The following PPP1R12A variants were observed in gnomAD, a reference collection of about 807,000 sequenced individuals.
PPP1R12A encodes protein phosphatase 1 regulatory subunit 12A.
In PPP1R12A, 19 loss-of-function variants were observed where a neutral mutation model predicts 139.6. The observed-to-expected ratio is 0.14, with a 90% CI of 0.09 to 0.20. PPP1R12A has a LOEUF of 0.20. Ranked by LOEUF, PPP1R12A falls within the 10% of genes least tolerant of loss-of-function variation. The pLI is 1.00. For synonymous variants in PPP1R12A, 427 were observed against 420.6 expected, an observed-to-expected ratio of 1.02 and a Z score of -0.19; for missense variants, 925 against 1,211.5, an observed-to-expected ratio of 0.76 and a Z score of 3.51.
chr12:79,894,684 AATCT>A (rs1331634331), intron 1 of PPP1R12A, among the ~76,000 whole-genome samples: 9 of 152,162 alleles, frequency 5.9e-5, no homozygotes. Flanking sequence ...ATCTTCCTAA[AATCT>A]ATCACGCACT....
At chr12:79,784,920 T>A (rs538717965) in intron 22 of PPP1R12A, among the ~76,000 whole-genome samples, 17 of 152,288 alleles carry the variant, frequency 1.1e-4, no homozygotes, top group Admixed American at 9.8e-4. Flanking sequence ...ATTACAGGCG[T>A]GAGCCACCGC....
intron 1 of PPP1R12A, among the ~76,000 whole-genome samples, chr12:79,933,473 T>G (rs1888404395): frequency 6.6e-6 from 1 of 152,208 alleles, no homozygotes; most frequent in Non-Finnish European, 1.5e-5. Flanking sequence ...TACTACAACA[T>G]TATTCAAAAT....
intron 20 of PPP1R12A, among the ~76,000 whole-genome samples, chr12:79,789,324 A>C (rs1362832487): frequency 6.6e-6 from 1 of 152,196 alleles, no homozygotes; most frequent in Non-Finnish European, 1.5e-5. Flanking sequence ...TATAATGATT[A>C]ATATTTTAAA....
At chr12:79,875,158 T>C (rs1281964376) in intron 1 of PPP1R12A, among the ~76,000 whole-genome samples, 2 of 152,234 alleles carry the variant, frequency 1.3e-5, no homozygotes, top group Admixed American at 1.3e-4. Context: ...TATGTGAATA[T>C]AAGTACTTTA....
intron 9 of PPP1R12A, among the ~76,000 whole-genome samples, chr12:79,812,391 C>T (rs4842320): frequency 0.64 from 85,589 of 134,416 alleles, 33,586 homozygotes; most frequent in Non-Finnish European, 0.88. Flanking sequence ...TCTGTGTGTG[C>T]GTGTGTGTGT....
intron 9 of PPP1R12A, among the ~76,000 whole-genome samples, chr12:79,816,123 C>T (rs1875351745): frequency 6.6e-6 from 1 of 152,026 alleles, no homozygotes; most frequent in Non-Finnish European, 1.5e-5. Flanking sequence ...TAAACTCATG[C>T]ACATAATGTC....
chr12:79,853,960 G>C lies in PPP1R12A; in HGVS notation c.369-8540C>G, dbSNP rs145288567. Among the ~76,000 whole-genome samples, 958 of 152,258 alleles carry C rather than the reference G, an allele frequency of 6.3e-3. 6 individuals are homozygous for C. Among genetic ancestry groups the C allele is most frequent in the African/African-American group, 0.022 (922 of 41,546 alleles). On this transcript the variant is annotated intron_variant, in intron 2 of 24. Coordinates refer to ENST00000450142, the MANE Select transcript of PPP1R12A (RefSeq NM_002480.3). Reference sequence around the variant, plus strand: ...TGGGTTGTCATTATCATCCACATGTGACACCAGTCACAGCTATTCATATTG... The same window carrying C: ...TGGGTTGTCATTATCATCCACATGTCACACCAGTCACAGCTATTCATATTG...
At chr12:79,787,962 G>C (rs1420903346) in intron 21 of PPP1R12A, 1 of 152,210 alleles carries the variant, frequency 6.6e-6, no homozygotes, top group Non-Finnish European at 1.5e-5. Flanking sequence ...ACAAGAGCAA[G>C]ATAGTATCTT....
intron 1 of PPP1R12A, among the ~76,000 whole-genome samples, chr12:79,916,736 A>T (rs966690363): frequency 2.6e-5 from 4 of 152,222 alleles, no homozygotes; most frequent in African/African-American, 7.2e-5. Flanking sequence ...TTCAGAGAAA[A>T]GGCAAGTATA....
chr12:79,800,475 T>C lies in PPP1R12A; in HGVS notation c.2001-1891A>G, dbSNP rs373711638. On this transcript the variant is annotated intron_variant, in intron 14 of 24. Coordinates refer to ENST00000450142, the MANE Select transcript of PPP1R12A (RefSeq NM_002480.3). The stretch of plus-strand genomic sequence containing the variant: ...AGTACATAATATATGTAACATACAA[T>C]ATATGTGCTAATCAACTGCTTATGT... 3.3e-5 allele frequency among the ~76,000 whole-genome samples: 5 copies of C among 152,128 alleles called. No individual in the cohort carries two copies. In the East Asian group the frequency reaches 5.8e-4, roughly 18 times the overall value.
In PPP1R12A at chr12:79,910,237, T is replaced by C. The variant is rs576600111; in HGVS notation, c.237+24458A>G. On this transcript the variant is annotated intron_variant, in intron 1 of 24. Transcript: ENST00000450142. ...GCTCATGCCTGTAATCCCAGCACTT[T>C]AGGAGGATGAGGTGGGAGGATCACC... Among the ~76,000 whole-genome samples the C allele has an allele frequency of 9.2e-5, 14 of 152,106 alleles. No individual in the cohort carries two copies. In the South Asian group the frequency reaches 2.5e-3, roughly 27 times the overall value.
intron 1 of PPP1R12A, among the ~76,000 whole-genome samples, chr12:79,910,971 T>C (rs892001977): frequency 3.3e-5 from 5 of 152,128 alleles, no homozygotes; most frequent in African/African-American, 1.2e-4. Context: ...CTTCAGTAAA[T>C]AGAACACTTA....
At chr12:79,854,118 A>G (rs769676301) in intron 2 of PPP1R12A, among the ~76,000 whole-genome samples, 7 of 152,234 alleles carry the variant, frequency 4.6e-5, no homozygotes, top group Non-Finnish European at 8.8e-5. Context: ...AAAGTGCCAA[A>G]ATCAAAGCTT....
At chr12:79,783,642 A>G (rs560207758) in intron 22 of PPP1R12A, among the ~76,000 whole-genome samples, 3 of 152,332 alleles carry the variant, frequency 2.0e-5, no homozygotes, top group South Asian at 4.1e-4. Context: ...AAAATTTTAA[A>G]TAACATTCAA....
rs76845638 is a variant in PPP1R12A, at chr12:79,822,493, G to A, written c.793-303C>T. 5.2e-3 allele frequency among the ~76,000 whole-genome samples: 791 copies of A among 152,206 alleles called. 5 individuals carry two copies. The highest frequency in any genetic ancestry group is 0.018 in the African/African-American group (751 of 41,522). On this transcript the variant is annotated intron_variant, in intron 5 of 24. Coordinates refer to ENST00000450142, the MANE Select transcript of PPP1R12A (RefSeq NM_002480.3). ...AATGGTTTTATGGATATTCAGAGTT[G>A]TACAACTATCAAAATAATCAATTTC...
chr12:79,805,039 C>A (rs796312993), intron 14 of PPP1R12A, among the ~76,000 whole-genome samples: 54 of 152,284 alleles, frequency 3.5e-4, no homozygotes, highest in Middle Eastern at 3.4e-3. Context: ...TTGAAAAAAT[C>A]TGAATAAGTG....
chr12:79,813,628 T>C (rs1874880531), intron 9 of PPP1R12A, among the ~76,000 whole-genome samples: 1 of 152,190 alleles, frequency 6.6e-6, no homozygotes, highest in Non-Finnish European at 1.5e-5. Context: ...ACAAAATTTA[T>C]TTTGACCAGA....
At chr12:79,918,414 T>C (rs528809595) in intron 1 of PPP1R12A, among the ~76,000 whole-genome samples, 75 of 152,188 alleles carry the variant, frequency 4.9e-4, no homozygotes, top group Non-Finnish European at 9.7e-4. Context: ...TCATTTCTTG[T>C]TTACTTGACT....
intron 3 of PPP1R12A, among the ~76,000 whole-genome samples, chr12:79,833,568 TA>T (rs1877696253): frequency 6.6e-6 from 1 of 151,436 alleles, no homozygotes; most frequent in African/African-American, 2.4e-5. Flanking sequence ...CTCACACTTG[TA>T]ATTCAAGCAC....
Sources: allele counts gnomAD v4.1 joint callset (sites outside exome capture counted in the v4.1 genomes callset), GRCh38; gene constraint gnomAD v4.1.1; transcripts MANE v1.5; gene names NCBI Gene and HGNC (gene_info 2026-07-23, HGNC 2026-07-21).